ITPK1: variants seen among roughly 807,000 people sequenced by gnomAD.
ITPK1 encodes the protein inositol-tetrakisphosphate 1-kinase.
ITPK1 carries 21 observed loss-of-function variants against 45.3 expected under a neutral mutation model. The ratio of observed to expected loss-of-function variants is 0.46; its 90% CI spans 0.33 to 0.67. The LOEUF (loss-of-function observed/expected upper bound fraction) is 0.67. ITPK1 is among the 30% of genes least tolerant of loss of function. The probability of loss-of-function intolerance (pLI) is 0.02; values close to 1 mark genes in which losing one functional copy is unlikely to be tolerated. For synonymous variants in ITPK1, 258 were observed against 253.6 expected (o/e 1.02, Z -0.16); for missense variants, 474 against 573.5 (o/e 0.83, Z 1.77).
At chr14:92,960,447 A>G (rs961105941) in intron 7 of ITPK1, among the ~76,000 whole-genome samples, 4 of 152,072 alleles carry the variant, frequency 2.6e-5, no homozygotes, top group African/African-American at 9.7e-5. Flanking sequence ...CTCATCCTTC[A>G]CAGAAGCCGC....
chr14:93,035,001 G>A (rs1889257063), intron 3 of ITPK1, among the ~76,000 whole-genome samples: 1 of 152,226 alleles, frequency 6.6e-6, no homozygotes. Flanking sequence ...GTCCTACAGG[G>A]TGAACACACC....
At chr14:93,018,310 C>G (rs1385333451) in intron 3 of ITPK1, among the ~76,000 whole-genome samples, 3 of 152,136 alleles carry the variant, frequency 2.0e-5, no homozygotes, top group Non-Finnish European at 2.9e-5. Context: ...TTTTGGTCCC[C>G]TAGTCCCCTC....
At chr14:93,052,652 C>T (rs1480502561) in intron 3 of ITPK1, among the ~76,000 whole-genome samples, 1 of 152,152 alleles carries the variant, frequency 6.6e-6, no homozygotes, top group South Asian at 2.1e-4. Flanking sequence ...GCCCCCAAGC[C>T]TCACCGGCCT....
At chr14:93,031,777 T>C (rs557182188) in intron 3 of ITPK1, among the ~76,000 whole-genome samples, 1 of 152,342 alleles carries the variant, frequency 6.6e-6, no homozygotes, top group South Asian at 2.1e-4. Flanking sequence ...TTATTTTTGC[T>C]GACAATAAAA....
chr14:93,104,548 C>T (rs902961119), intron 2 of ITPK1, among the ~76,000 whole-genome samples: 11 of 152,154 alleles, frequency 7.2e-5, no homozygotes, highest in Admixed American at 4.6e-4. Context: ...GGCAACCTGG[C>T]GGAGTGGAAA....
intron 2 of ITPK1, among the ~76,000 whole-genome samples, chr14:93,089,045 G>T (rs1891766154): frequency 6.6e-6 from 1 of 152,202 alleles, no homozygotes; most frequent in South Asian, 2.1e-4. Context: ...GGTCTGTTGG[G>T]GATGAGGCTC....
chr14:93,093,315 T>C (rs1891938325), intron 2 of ITPK1, among the ~76,000 whole-genome samples: 1 of 152,204 alleles, frequency 6.6e-6, no homozygotes, highest in Non-Finnish European at 1.5e-5. Context: ...CTCTCTGCCC[T>C]GCCCCAGCGG....
At chr14:93,087,212 T>C (rs1386036960) in intron 2 of ITPK1, among the ~76,000 whole-genome samples, 1 of 152,236 alleles carries the variant, frequency 6.6e-6, no homozygotes, top group Non-Finnish European at 1.5e-5. Flanking sequence ...CTAAAGGCTG[T>C]CCACATTCCT....
intron 5 of ITPK1, among the ~76,000 whole-genome samples, chr14:92,965,121 C>T (rs754216782): frequency 6.6e-6 from 1 of 152,194 alleles, no homozygotes; most frequent in Non-Finnish European, 1.5e-5. Flanking sequence ...CAGCCTCCCT[C>T]GCAGAAAAAG....
In ITPK1 at chr14:92,952,085, A is replaced by AG; in HGVS notation, c.671-73dup. On this transcript the variant is annotated intron_variant, in intron 8 of 10. Transcript: ENST00000267615. Reference sequence around the variant, plus strand: ...GACCACACTGCCGCCACCTGACACCAGGGGGCAGCATCACCCCAGGCACAC... The same window carrying AG: ...GACCACACTGCCGCCACCTGACACCAGGGGGGCAGCATCACCCCAGGCACAC... The AG allele has an allele frequency of 1.4e-5, 17 of 1,223,396 alleles. No individual in the cohort carries two copies. The South Asian group carries it at 1.7e-4, about 12-fold the overall frequency. 75.8% of individuals were successfully genotyped at this position (1,223,396 alleles called of 1,614,324 possible). A position where few individuals can be genotyped will look rare whatever the true frequency, so the allele number is the denominator to read the frequency against.
At chr14:93,047,785 A>T (rs1169817954) in intron 3 of ITPK1, among the ~76,000 whole-genome samples, 1 of 152,260 alleles carries the variant, frequency 6.6e-6, no homozygotes, top group Non-Finnish European at 1.5e-5. Context: ...GACCCAAGCC[A>T]GGCCAACCAG....
intron 4 of ITPK1, among the ~76,000 whole-genome samples, chr14:93,008,458 T>C (rs2139838911): frequency 6.6e-6 from 1 of 152,384 alleles, no homozygotes. Flanking sequence ...TACTGATGAA[T>C]GATCTCACAG....
rs368639121 is a variant in ITPK1, at chr14:92,941,772, G to A, written c.1034C>T (p.Pro345Leu). The change falls in exon 11 of 11, where the codon CCG becomes CTG. Residue 345 changes from proline (P) to leucine (L), a missense_variant. Pro to Leu is a moderately conservative substitution (Grantham distance 98, BLOSUM62 -3). Around this residue, in one of 2 missense-constraint regions of ITPK1, gnomAD observed 367 missense variants for 480.6 expected, o/e 0.76. Coordinates refer to ENST00000267615, the MANE Select transcript of ITPK1 (RefSeq NM_014216.6). ...LLRHSKLLAEPAGGLVGERTC... is the reference protein window; with the variant it reads ...LLRHSKLLAELAGGLVGERTC... ...CCGCTCGCCCACCAGGCCGCCCGCC[G>A]GCTCGGCCAGAAGCTTGCTGTGCCT... The A allele has an allele frequency of 6.3e-5, 102 of 1,607,710 alleles. No homozygotes were observed. Among genetic ancestry groups the A allele is most frequent in the Non-Finnish European group, 8.1e-5 (95 of 1,178,366 alleles).
chr14:93,090,854 C>A (rs931872887), intron 2 of ITPK1, among the ~76,000 whole-genome samples: 1 of 152,138 alleles, frequency 6.6e-6, no homozygotes, highest in African/African-American at 2.4e-5. Flanking sequence ...ATGTCCAAAT[C>A]GAAACGCTAC....
At chr14:92,947,916 C>T (rs928062198) in intron 9 of ITPK1, among the ~76,000 whole-genome samples, 2 of 152,216 alleles carry the variant, frequency 1.3e-5, no homozygotes, top group Admixed American at 6.5e-5. Flanking sequence ...TGTCCACCCA[C>T]GCTCACCGTG....
At chr14:93,086,832 T>C (rs1891669754) in intron 2 of ITPK1, among the ~76,000 whole-genome samples, 1 of 152,242 alleles carries the variant, frequency 6.6e-6, no homozygotes, top group Non-Finnish European at 1.5e-5. Flanking sequence ...GCCACAGGCA[T>C]GAGTCAGCCC....
At chr14:93,102,503 T>C (rs1216921143) in intron 2 of ITPK1, among the ~76,000 whole-genome samples, 1 of 152,240 alleles carries the variant, frequency 6.6e-6, no homozygotes, top group African/African-American at 2.4e-5. Context: ...CTGGGCGTGG[T>C]GGCTCACACC....
intron 2 of ITPK1, among the ~76,000 whole-genome samples, chr14:93,079,806 G>C (rs1056411193): frequency 6.6e-6 from 1 of 152,214 alleles, no homozygotes. Flanking sequence ...GGAAGAGGGA[G>C]AAGGAAGGGA....
intron 3 of ITPK1, among the ~76,000 whole-genome samples, chr14:93,024,379 TCC>T (rs1888625166): frequency 2.0e-5 from 3 of 152,056 alleles, no homozygotes; most frequent in Admixed American, 6.5e-5. Context: ...ATCCCTCCCC[TCC>T]CCAAGCCTGC....
Sources: allele counts gnomAD v4.1 joint callset (sites outside exome capture counted in the v4.1 genomes callset), GRCh38; gene constraint gnomAD v4.1.1; regional missense constraint gnomAD v4.1.1; transcripts MANE v1.5; gene names NCBI Gene and HGNC (gene_info 2026-07-23, HGNC 2026-07-21).